CACNA1C: variants seen among roughly 807,000 people sequenced by gnomAD.
CACNA1C encodes voltage-dependent L-type calcium channel subunit alpha-1C.
In CACNA1C, 30 loss-of-function variants were observed where a neutral mutation model predicts 229.0. That is an observed-to-expected ratio of 0.13 (90% CI 0.10 to 0.18). The LOEUF (loss-of-function observed/expected upper bound fraction) is 0.18, where lower values mean the gene tolerates loss of function less well. Among genes scored for constraint, CACNA1C ranks in the 10% least tolerant of loss-of-function variants. The pLI is 1.00. For missense variants in CACNA1C, 1,658 were observed against 2,845.0 expected (o/e 0.58, Z 9.49); for synonymous variants, 1,114 against 1,132.5 (o/e 0.98, Z 0.33).
intron 18 of CACNA1C, 23 bp from the exon 19 acceptor site, chr12:2,593,190 G>T (rs769458850): frequency 1.2e-6 from 2 of 1,609,426 alleles, no homozygotes; most frequent in Non-Finnish European, 1.7e-6. Flanking sequence ...GAGTTATTTA[G>T]AATGGTGCTG....
At chr12:2,261,045 A>G (rs1319779649) in intron 3 of CACNA1C, among the ~76,000 whole-genome samples, 3 of 152,122 alleles carry the variant, frequency 2.0e-5, no homozygotes, top group African/African-American at 7.2e-5. Flanking sequence ...CCTGGCTAAC[A>G]TGGTAAAACC....
Position 2,329,474 on chromosome 12 carries a change from G to A in CACNA1C, c.478-119502G>A, listed in dbSNP as rs558352942. Among the ~76,000 whole-genome samples the A allele has an allele frequency of 9.2e-5, 14 of 152,262 alleles. No individual in the cohort carries two copies. In the East Asian group the frequency reaches 1.9e-3, roughly 21 times the overall value. On this transcript the variant is annotated intron_variant, in intron 3 of 46. Transcript: ENST00000399655. Reference sequence around the variant, plus strand: ...ACCACCAGCCAATGCAGTGAGGGCCGATGCCTGTCCCCATCAATGAACATC... The same window carrying A: ...ACCACCAGCCAATGCAGTGAGGGCCAATGCCTGTCCCCATCAATGAACATC...
chr12:1,977,806 A>G (rs1406885555), intron 1 of CACNA1C, among the ~76,000 whole-genome samples: 1 of 152,196 alleles, frequency 6.6e-6, no homozygotes, highest in Non-Finnish European at 1.5e-5. Context: ...TTGTTCTCTA[A>G]ATTTGACTTT....
chr12:2,346,148 A>G lies in CACNA1C; in HGVS notation c.478-102828A>G, dbSNP rs998010939. The stretch of plus-strand genomic sequence containing the variant: ...CAAGACCTGGATCCGCTGCAAGGTG[A>G]TAGCCGTGGCTTGGTTGTCTGTGGG... On this transcript the variant is annotated intron_variant, in intron 3 of 46. Coordinates refer to ENST00000399655, the MANE Select transcript of CACNA1C (RefSeq NM_000719.7). The surrounding 1 kb of genome is among the most constrained non-coding windows in gnomAD (Gnocchi z 4.4). Among the ~76,000 whole-genome samples the G allele has an allele frequency of 7.9e-5, 12 of 152,092 alleles. No individual in the cohort carries two copies. Among genetic ancestry groups the G allele is most frequent in the Admixed American group, 2.6e-4 (4 of 15,268 alleles).
intron 1 of CACNA1C, among the ~76,000 whole-genome samples, chr12:2,097,963 G>C (rs2074946230): frequency 3.3e-5 from 5 of 152,218 alleles, no homozygotes; most frequent in Non-Finnish European, 1.5e-5. Context: ...AACCTGAGCT[G>C]TCTGAACTAG....
At position 1,992,182 on chromosome 12, in the gene CACNA1C, T is replaced by C. The variant is rs538732477; in HGVS notation, c.139+20981T>C. The C allele has an allele frequency of 3.5e-5, 6 of 172,068 alleles. No individual in the cohort carries two copies. In the East Asian group the frequency reaches 6.8e-4, roughly 20 times the overall value. The allele number at this position is 172,068 out of a possible 1,614,324, so 10.7% of individuals were successfully genotyped here. On this transcript the variant is annotated intron_variant, in intron 1 of 46. Transcript: ENST00000682462. ...ATATTTTTCTATATTGCAAAACTTT[T>C]CATTTCACAGGACCTGCCATTAGTA...
intron 1 of CACNA1C, among the ~76,000 whole-genome samples, chr12:2,090,730 C>T (rs1262348800): frequency 6.6e-6 from 1 of 152,188 alleles, no homozygotes; most frequent in Non-Finnish European, 1.5e-5. Flanking sequence ...GGAAATCCTG[C>T]TTTGAGTTCT....
intron 1 of CACNA1C, among the ~76,000 whole-genome samples, chr12:2,092,432 A>G (rs894633538): frequency 7.2e-5 from 11 of 152,144 alleles, no homozygotes; most frequent in Non-Finnish European, 1.3e-4. Context: ...CTGTAACTCA[A>G]TATGTGTGGT....
intron 3 of CACNA1C, among the ~76,000 whole-genome samples, chr12:2,384,136 C>T (rs1445017128): frequency 6.6e-6 from 1 of 152,238 alleles, no homozygotes; most frequent in African/African-American, 2.4e-5. Context: ...CCCAGGTTAG[C>T]AGCAGTGCCA....
chr12:2,123,375 CA>C (rs397761587), intron 3 of CACNA1C, among the ~76,000 whole-genome samples: 4,643 of 72,798 alleles, frequency 0.064, 68 homozygotes, highest in Middle Eastern at 0.16. Flanking sequence ...GACTCCATCT[CA>C]AAAAAAAAAA....
intron 3 of CACNA1C, among the ~76,000 whole-genome samples, chr12:2,276,631 A>G (rs1269141264): frequency 6.6e-6 from 1 of 152,244 alleles, no homozygotes; most frequent in East Asian, 1.9e-4. Context: ...ATAGGTGCAG[A>G]CGTTAACAGC....
rs548982695 is a variant in CACNA1C at position 2,306,548 on chromosome 12, CCTCTGCCTGTCCCGT to C, written c.478-142425_478-142411del. On this transcript the variant is annotated intron_variant, in intron 3 of 46. Transcript: ENST00000399655. Reference sequence around the variant, plus strand: ...GGAAAAGGTCCTAAAAAGAATTCCTCCTCTGCCTGTCCCGTCTTGCCCAAATCCTCAGAATGTCAA... The same window carrying C: ...GGAAAAGGTCCTAAAAAGAATTCCTCCTTGCCCAAATCCTCAGAATGTCAA... Among the ~76,000 whole-genome samples the C allele has an allele frequency of 2.4e-4, 37 of 152,344 alleles. 1 individual carries two copies. The South Asian group carries it at 7.7e-3, about 32-fold the overall frequency.
intron 29 of CACNA1C, among the ~76,000 whole-genome samples, chr12:2,615,330 C>T (rs985085672): frequency 5.3e-5 from 8 of 152,196 alleles, no homozygotes; most frequent in Non-Finnish European, 8.8e-5. Flanking sequence ...TTTGAAGATA[C>T]TCTTATAGAT....
chr12:2,671,855 G>C (rs565910750), intron 38 of CACNA1C, among the ~76,000 whole-genome samples: 1 of 150,428 alleles, frequency 6.6e-6, no homozygotes, highest in South Asian at 2.1e-4. Flanking sequence ...CAAAGGGCCC[G>C]AAACGCCCCC....
At chr12:2,071,472 C>T (rs1465685651) in intron 1 of CACNA1C, among the ~76,000 whole-genome samples, 2 of 152,000 alleles carry the variant, frequency 1.3e-5, no homozygotes, top group Non-Finnish European at 2.9e-5. Context: ...ATGATACCAC[C>T]TCAGCTTCTT....
chr12:2,611,784 G>T, intron 28 of CACNA1C, 119 bp from the exon 29 acceptor site: 1 of 636,992 alleles, frequency 1.6e-6, no homozygotes. Context: ...GCCCTCTGGG[G>T]GTTTGGTTCA....
At chr12:2,004,554 G>C (rs1327005239) in intron 1 of CACNA1C, 2 of 1,398,184 alleles carry the variant, frequency 1.4e-6, no homozygotes, top group Admixed American at 4.8e-5. Context: ...AGGCCTTCCG[G>C]CTCCAGTCAC....
chr12:2,211,644 G>GA (rs1233526171), intron 3 of CACNA1C, among the ~76,000 whole-genome samples: 1 of 151,624 alleles, frequency 6.6e-6, no homozygotes, highest in African/African-American at 2.4e-5. Context: ...GGGGGGACAT[G>GA]AGCAGGGCTT....
chr12:2,567,439 G>A (rs948705292), intron 12 of CACNA1C, 130 bp from the exon 13 acceptor site: 7 of 623,730 alleles, frequency 1.1e-5, no homozygotes, highest in South Asian at 4.0e-5. Flanking sequence ...TGTTCTGGCC[G>A]AGGTGGATGG....
Sources: gnomAD v4.1 joint callset for allele counts (sites outside exome capture counted in the v4.1 genomes callset) on GRCh38, gnomAD v4.1.1 for gene constraint, Gnocchi (gnomAD v3.1) non-coding constraint, MANE v1.5 for transcripts, NCBI Gene and HGNC (gene_info 2026-07-23, HGNC 2026-07-21) for gene names.